ELP4: variants seen among roughly 807,000 people sequenced by gnomAD.
ELP4 encodes the protein elongator acetyltransferase complex subunit 4.
A neutral mutation model predicts 48.9 loss-of-function variants in ELP4; 51 were observed. The observed-to-expected ratio is 1.04, with a 90% confidence interval of 0.83 to 1.32. ELP4 has a LOEUF of 1.32. ELP4 is among the 40% of genes most tolerant of loss of function. The pLI is 0.00. For synonymous variants in ELP4, 210 were observed against 189.2 expected (o/e 1.11, Z -0.90); for missense variants, 519 against 514.6 (o/e 1.01, Z -0.08).
intron 7 of ELP4, among the ~76,000 whole-genome samples, chr11:31,642,041 C>T (rs1945110642): frequency 6.6e-6 from 1 of 151,922 alleles, no homozygotes; most frequent in African/African-American, 2.4e-5. Flanking sequence ...ACAAATTTTT[C>T]TGTGGGTAGA....
At position 31,785,447 on chromosome 11, in the gene ELP4, A is replaced by G; in HGVS notation, c.*1923A>G. On this transcript the variant is annotated 3_prime_UTR_variant, in exon 10 of 10. Coordinates refer to ENST00000640961, the MANE Select transcript of ELP4 (RefSeq NM_019040.5). ...CCTGGCTACCATGTCTATAAAATTA[A>G]CAGCCAATTACTAGTTAATATATGC... The G allele has an allele frequency of 5.4e-6, 1 of 186,608 alleles. No individual in the cohort carries two copies. Among genetic ancestry groups the G allele is most frequent in the East Asian group, 8.7e-5 (1 of 11,550 alleles). 11.6% of individuals were successfully genotyped at this position (186,608 alleles called of 1,614,324 possible).
chr11:31,582,082 G>A lies in ELP4; in HGVS notation c.382-12688G>A, dbSNP rs1957401673. 1.3e-5 allele frequency among the ~76,000 whole-genome samples: 2 copies of A among 152,218 alleles called. 1 individual carries two copies. Among genetic ancestry groups the A allele is most frequent in the Middle Eastern group, 6.8e-3 (2 of 294 alleles). ...TTCTATGTCTTTAGAAAGCCATATA[G>A]GATGGTGGTGAAGAGGATGAGCTAC... On this transcript the variant is annotated intron_variant, in intron 3 of 9. Transcript: ENST00000640961.
At chr11:31,593,980 A>G (rs1592144649) in intron 3 of ELP4, among the ~76,000 whole-genome samples, 1 of 152,178 alleles carries the variant, frequency 6.6e-6, no homozygotes, top group South Asian at 2.1e-4. Context: ...AGACTAATAT[A>G]TAACATAGCA....
At chr11:31,772,531 G>T (rs950716898) in intron 9 of ELP4, among the ~76,000 whole-genome samples, 1 of 152,142 alleles carries the variant, frequency 6.6e-6, no homozygotes, top group Non-Finnish European at 1.5e-5. Context: ...CTGAAAGCAG[G>T]TGTCTTGCCT....
chr11:31,614,699 A>G (rs1297125915), intron 5 of ELP4, among the ~76,000 whole-genome samples: 2 of 152,212 alleles, frequency 1.3e-5, no homozygotes, highest in African/African-American at 4.8e-5. Flanking sequence ...ATAATACGCA[A>G]TGAGAACTCA....
chr11:31,726,066 T>C (rs867106919), intron 9 of ELP4, among the ~76,000 whole-genome samples: 76 of 152,176 alleles, frequency 5.0e-4, no homozygotes, highest in African/African-American at 1.7e-3. Context: ...ATGAATAGGA[T>C]TGAGGAAAGA....
At chr11:31,734,658 A>G (rs1303672579) in intron 9 of ELP4, among the ~76,000 whole-genome samples, 1 of 152,240 alleles carries the variant, frequency 6.6e-6, no homozygotes, top group African/African-American at 2.4e-5. Flanking sequence ...CTTCACCAAG[A>G]AGGCAAAAGT....
At chr11:31,591,285 A>G (rs138264826) in intron 3 of ELP4, among the ~76,000 whole-genome samples, 1 of 151,850 alleles carries the variant, frequency 6.6e-6, no homozygotes, top group African/African-American at 2.4e-5. Flanking sequence ...GGGTGCCTGT[A>G]GTCCCAGCTA....
intron 3 of ELP4, among the ~76,000 whole-genome samples, chr11:31,579,827 C>G (rs1957357315): frequency 6.6e-6 from 1 of 151,774 alleles, no homozygotes. Context: ...GGAGATATAC[C>G]TAATGTGAAT....
rs1955944402 is a variant in ELP4 at position 31,509,803 on chromosome 11, T to A, written c.19T>A (p.Cys7Ser). The change falls in exon 1 of 10, where the codon TGC becomes AGC. Residue 7 changes from cysteine (C) to serine (S), a missense_variant. Physicochemically the swap from Cys to Ser is moderately radical, Grantham distance 112. Coordinates refer to ENST00000640961, the MANE Select transcript of ELP4 (RefSeq NM_019040.5). ...CTCTAAGATGGCGGCAGTGGCAACC[T>A]GCGGTAGTGTTGCCGCGAGTACTGG... The part of the protein sequence containing the change: MAAVAT[C>S]GSVAASTGSA... 2 of 1,614,134 alleles carry A rather than the reference T, an allele frequency of 1.2e-6. No individual in the cohort carries two copies. The highest frequency in any genetic ancestry group is 1.7e-6 in the Non-Finnish European group (2 of 1,180,030).
chr11:31,760,876 T>C (rs1348415396), intron 9 of ELP4, among the ~76,000 whole-genome samples: 1 of 152,226 alleles, frequency 6.6e-6, no homozygotes, highest in Admixed American at 6.5e-5. Flanking sequence ...AAATAACATG[T>C]ACTAATAATT....
At chr11:31,654,644 A>G (rs1345847195) in intron 9 of ELP4, 1 of 151,888 alleles carries the variant, frequency 6.6e-6, no homozygotes, top group Non-Finnish European at 1.5e-5. Flanking sequence ...TTGGAAAAGC[A>G]TAAACTCTTA....
chr11:31,588,181 T>C (rs1210329877), intron 3 of ELP4, among the ~76,000 whole-genome samples: 1 of 152,188 alleles, frequency 6.6e-6, no homozygotes, highest in African/African-American at 2.4e-5. Context: ...ATATCAATCT[T>C]ATTCTTTTTA....
chr11:31,639,039 T>C (rs2134056663), intron 7 of ELP4, among the ~76,000 whole-genome samples: 1 of 152,052 alleles, frequency 6.6e-6, no homozygotes, highest in South Asian at 2.1e-4. Flanking sequence ...CAAATGATCT[T>C]TTTAAATGCA....
intron 4 of ELP4, among the ~76,000 whole-genome samples, chr11:31,598,503 CTTTTTTTT>C (rs10702222): frequency 3.9e-5 from 3 of 77,740 alleles, no homozygotes; most frequent in African/African-American, 1.6e-4. Flanking sequence ...TTTTCTTCTT[CTTTTTTTT>C]TTTTTTTTTT....
At chr11:31,765,213 C>T (rs963654375) in intron 9 of ELP4, among the ~76,000 whole-genome samples, 7 of 152,044 alleles carry the variant, frequency 4.6e-5, no homozygotes, top group South Asian at 2.1e-4. Flanking sequence ...GAAGAAGTGA[C>T]CTTATTCTAA....
chr11:31,684,531 C>A (rs1279744518), intron 9 of ELP4, among the ~76,000 whole-genome samples: 13 of 152,078 alleles, frequency 8.5e-5, no homozygotes, highest in African/African-American at 2.9e-4. Flanking sequence ...TTATACATAG[C>A]AATGTAGGAG....
At chr11:31,719,571 T>C (rs148610818) in intron 9 of ELP4, 77 of 398,132 alleles carry the variant, frequency 1.9e-4, no homozygotes, top group African/African-American at 1.4e-3. Context: ...AAGCCACAAG[T>C]ATTATCTGAT....
chr11:31,703,103 CTT>C (rs1302239581), intron 9 of ELP4, among the ~76,000 whole-genome samples: 2 of 152,168 alleles, frequency 1.3e-5, no homozygotes, highest in Non-Finnish European at 2.9e-5. Flanking sequence ...CCTGCATTCT[CTT>C]TGTTTACTTT....
Sources: gnomAD v4.1 joint callset for allele counts (sites outside exome capture counted in the v4.1 genomes callset) on GRCh38, gnomAD v4.1.1 for gene constraint, MANE v1.5 for transcripts, NCBI Gene and HGNC (gene_info 2026-07-23, HGNC 2026-07-21) for gene names.